The following NEK10 variants were observed in gnomAD, a reference collection of about 807,000 sequenced individuals.
NEK10 encodes NIMA related kinase 10, also known as serine/threonine-protein kinase Nek10.
A neutral mutation model predicts 159.8 loss-of-function variants in NEK10; 122 were observed. The ratio of observed to expected loss-of-function variants is 0.76; its 90% CI spans 0.66 to 0.89. The LOEUF (loss-of-function observed/expected upper bound fraction) is 0.89. Ranked by LOEUF, NEK10 falls within the 40% of genes least tolerant of loss-of-function variation. The probability of loss-of-function intolerance (pLI) is 0.00; values close to 1 mark genes in which losing one functional copy is unlikely to be tolerated. For synonymous variants in NEK10, 466 were observed against 457.1 expected, an observed-to-expected ratio of 1.02 and a Z score of -0.25; for missense variants, 1,342 against 1,323.1, an observed-to-expected ratio of 1.01 and a Z score of -0.22.
At chr3:27,284,819 T>C in intron 21 of NEK10, 21 bp downstream of exon 21, 1 of 1,567,342 alleles carries the variant, frequency 6.4e-7, no homozygotes, top group Non-Finnish European at 8.8e-7. Context: ...TAAGAAAAAT[T>C]TAATGAAGAT....
At chr3:27,180,083 G>A (rs1314651784) in intron 26 of NEK10, among the ~76,000 whole-genome samples, 1 of 149,706 alleles carries the variant, frequency 6.7e-6, no homozygotes, top group Non-Finnish European at 1.5e-5. Context: ...TCTGTCTCAA[G>A]AAAAAAAAGA....
At chr3:27,271,244 T>TA (rs2041334587) in intron 22 of NEK10, among the ~76,000 whole-genome samples, 2 of 151,978 alleles carry the variant, frequency 1.3e-5, no homozygotes, top group African/African-American at 4.8e-5. Context: ...TATTCACATA[T>TA]AGGACATATT....
chr3:27,117,788 T>G (rs1940691982), intron 33 of NEK10, among the ~76,000 whole-genome samples: 1 of 152,196 alleles, frequency 6.6e-6, no homozygotes, highest in South Asian at 2.1e-4. Context: ...TAAACTCTGA[T>G]GATAGTTTCT....
At chr3:27,305,104 T>TGGGTCAATGTGAAATAA in intron 11 of NEK10, 133 bp from the exon 12 acceptor site, 1 of 635,958 alleles carries the variant, frequency 1.6e-6, no homozygotes, top group South Asian at 1.9e-5. Context: ...ATGTGCCATT[T>TGGGTCAATGTGAAATAA]TCTGTAAGGA....
chr3:27,157,251 T>C (rs1479689539), intron 30 of NEK10, among the ~76,000 whole-genome samples: 1 of 151,466 alleles, frequency 6.6e-6, no homozygotes, highest in Non-Finnish European at 1.5e-5. Context: ...AGGTAATGGG[T>C]GCACCAAAAT....
At chr3:27,147,825 C>T (rs1944450502) in intron 30 of NEK10, among the ~76,000 whole-genome samples, 1 of 152,188 alleles carries the variant, frequency 6.6e-6, no homozygotes, top group African/African-American at 2.4e-5. Context: ...TTCTACCAGT[C>T]TTACGCTTAA....
At chr3:27,147,503 G>A (rs1349128832) in intron 30 of NEK10, among the ~76,000 whole-genome samples, 1 of 152,184 alleles carries the variant, frequency 6.6e-6, no homozygotes, top group Non-Finnish European at 1.5e-5. Flanking sequence ...TTCACCTCTG[G>A]GTGATCAGGC....
intron 23 of NEK10, among the ~76,000 whole-genome samples, chr3:27,224,306 G>A (rs1052903744): frequency 2.6e-5 from 4 of 152,204 alleles, no homozygotes; most frequent in African/African-American, 9.7e-5. Flanking sequence ...TCCAGCATGA[G>A]TTCCCTCATG....
At chr3:27,339,778 C>CA (rs33927068) in intron 5 of NEK10, among the ~76,000 whole-genome samples, 104 of 119,854 alleles carry the variant, frequency 8.7e-4, no homozygotes, top group Middle Eastern at 9.3e-3. Flanking sequence ...GACTCCATCT[C>CA]AAAAAAAAAA....
chr3:27,307,741 C>A, intron 11 of NEK10, 118 bp downstream of exon 11: 1 of 651,592 alleles, frequency 1.5e-6, no homozygotes, highest in East Asian at 2.8e-5. Context: ...AAATAAATGC[C>A]AAGCTGACTC....
At chr3:27,177,075 G>A (rs1319759625) in intron 26 of NEK10, among the ~76,000 whole-genome samples, 3 of 152,092 alleles carry the variant, frequency 2.0e-5, no homozygotes, top group Non-Finnish European at 2.9e-5. Flanking sequence ...CAAAACCCAA[G>A]AACCAATTGG....
intron 31 of NEK10, among the ~76,000 whole-genome samples, chr3:27,137,232 C>T (rs531052416): frequency 1.3e-5 from 2 of 152,138 alleles, no homozygotes; most frequent in African/African-American, 2.4e-5. Context: ...GCAAGGAATG[C>T]CATTCTGCCA....
At chr3:27,261,503 G>A (rs546826461) in intron 22 of NEK10, among the ~76,000 whole-genome samples, 2 of 152,314 alleles carry the variant, frequency 1.3e-5, no homozygotes, top group South Asian at 4.1e-4. Flanking sequence ...TCAGGAGAAG[G>A]TTGTTCAGTT....
intron 32 of NEK10, among the ~76,000 whole-genome samples, chr3:27,130,102 A>G (rs993306582): frequency 6.6e-6 from 1 of 152,120 alleles, no homozygotes; most frequent in African/African-American, 2.4e-5. Flanking sequence ...TCTGTTGATC[A>G]TGAGCCCTAA....
At chr3:27,201,132 A>G (rs755274663) in intron 25 of NEK10, among the ~76,000 whole-genome samples, 5 of 152,136 alleles carry the variant, frequency 3.3e-5, no homozygotes, top group Non-Finnish European at 5.9e-5. Flanking sequence ...ATCATCTAAC[A>G]TGGCTTTTTG....
intron 23 of NEK10, among the ~76,000 whole-genome samples, chr3:27,203,407 A>C (rs1340105874): frequency 6.6e-6 from 1 of 152,232 alleles, no homozygotes; most frequent in Non-Finnish European, 1.5e-5. Flanking sequence ...AAATTGCCAC[A>C]CAATTTAAAC....
At chr3:27,229,127 T>A (rs1410860572) in intron 23 of NEK10, among the ~76,000 whole-genome samples, 2 of 152,138 alleles carry the variant, frequency 1.3e-5, no homozygotes, top group African/African-American at 2.4e-5. Context: ...GAGAATGAGA[T>A]AAGCTTCAAG....
intron 25 of NEK10, among the ~76,000 whole-genome samples, chr3:27,196,372 G>C (rs1212992795): frequency 6.6e-6 from 1 of 152,206 alleles, no homozygotes; most frequent in African/African-American, 2.4e-5. Context: ...GGTGCTCCCA[G>C]CTGAATAAAG....
At chr3:27,236,820 T>C (rs1227052657) in intron 23 of NEK10, among the ~76,000 whole-genome samples, 2 of 152,150 alleles carry the variant, frequency 1.3e-5, no homozygotes, top group African/African-American at 2.4e-5. Flanking sequence ...GCTGTGCACA[T>C]ATTGTCTTGA....
Sources: gnomAD v4.1 joint callset for allele counts (sites outside exome capture counted in the v4.1 genomes callset) on GRCh38, gnomAD v4.1.1 for gene constraint, MANE v1.5 for transcripts, NCBI Gene and HGNC (gene_info 2026-07-23, HGNC 2026-07-21) for gene names.